Variants in FBXL13 observed in about 807,000 individuals in gnomAD.
FBXL13 encodes the protein F-box and leucine rich repeat protein 13.
Under a neutral mutation model 83.6 loss-of-function variants are expected in FBXL13, and 67 were observed. The observed-to-expected ratio is 0.80, with a 90% confidence interval of 0.66 to 0.98. The LOEUF (loss-of-function observed/expected upper bound fraction) is 0.98, where lower values mean the gene tolerates loss of function less well. FBXL13 is among the 50% of genes least tolerant of loss of function. The probability of loss-of-function intolerance (pLI) is 0.00; values close to 1 mark genes in which losing one functional copy is unlikely to be tolerated. For missense variants in FBXL13, 822 were observed against 866.5 expected, an observed-to-expected ratio of 0.95 and a Z score of 0.64; for synonymous variants, 272 against 299.5, an observed-to-expected ratio of 0.91 and a Z score of 0.95.
At chr7:102,977,109 G>A (rs1359911033) in intron 6 of FBXL13, among the ~76,000 whole-genome samples, 6 of 152,148 alleles carry the variant, frequency 3.9e-5, no homozygotes, top group African/African-American at 7.2e-5. Flanking sequence ...AGCCAAAGAC[G>A]GCAAGAGGAC....
At chr7:103,019,786 C>T (rs1054203964) in intron 6 of FBXL13, among the ~76,000 whole-genome samples, 2 of 152,158 alleles carry the variant, frequency 1.3e-5, no homozygotes, top group Admixed American at 6.5e-5. Flanking sequence ...GATGTTGAAT[C>T]CCTGAATAGA....
chr7:102,916,263 A>G (rs1815851850), intron 10 of FBXL13, among the ~76,000 whole-genome samples: 1 of 152,188 alleles, frequency 6.6e-6, no homozygotes, highest in African/African-American at 2.4e-5. Flanking sequence ...CTGGGATTAT[A>G]GGCATTAACC....
At chr7:102,910,245 T>C (rs1381123942) in intron 11 of FBXL13, among the ~76,000 whole-genome samples, 2 of 152,074 alleles carry the variant, frequency 1.3e-5, no homozygotes, top group African/African-American at 2.4e-5. Flanking sequence ...CTCTGCACCA[T>C]GTTGGAGGGG....
intron 8 of FBXL13, among the ~76,000 whole-genome samples, chr7:102,956,294 C>A (rs1824259954): frequency 6.6e-6 from 1 of 152,134 alleles, no homozygotes; most frequent in Admixed American, 6.5e-5. Context: ...ACACAATTAT[C>A]TCAACAGATA....
At chr7:103,044,280 G>A (rs907923040) in intron 2 of FBXL13, among the ~76,000 whole-genome samples, 2 of 152,190 alleles carry the variant, frequency 1.3e-5, no homozygotes, top group Admixed American at 1.3e-4. Context: ...TCCATTACAA[G>A]AGATGTTAGA....
chr7:103,067,836 G>A (rs987079757), intron 1 of FBXL13, among the ~76,000 whole-genome samples: 10 of 152,172 alleles, frequency 6.6e-5, no homozygotes, highest in Non-Finnish European at 1.2e-4. Flanking sequence ...AAGACATTTA[G>A]GTAATAGACA....
intron 17 of FBXL13, 51 bp from the exon 19 acceptor site, chr7:102,833,025 C>T: frequency 6.9e-6 from 11 of 1,598,122 alleles, no homozygotes; most frequent in Non-Finnish European, 9.4e-6. Flanking sequence ...TCATCTAGAA[C>T]TGTCTTACTT....
At chr7:102,866,357 C>T (rs974869839) in intron 16 of FBXL13, among the ~76,000 whole-genome samples, 5 of 152,114 alleles carry the variant, frequency 3.3e-5, no homozygotes, top group African/African-American at 1.2e-4. Context: ...GAAGGAACCA[C>T]TATCACTAGC....
At chr7:103,016,846 G>C (rs931983517) in intron 6 of FBXL13, among the ~76,000 whole-genome samples, 2 of 152,180 alleles carry the variant, frequency 1.3e-5, no homozygotes, top group African/African-American at 4.8e-5. Context: ...ACTGGGTAGA[G>C]CCCACCACAG....
At chr7:102,913,187 A>C (rs757122324) in exon 11 of FBXL13, 15 of 1,614,194 alleles carry the variant, frequency 9.3e-6, no homozygotes, top group Non-Finnish European at 1.3e-5. Flanking sequence ...CAATAAGCCA[A>C]ACTAAGATTC....
At position 103,030,301 on chromosome 7, in the gene FBXL13, G is replaced by A. The variant is rs1221982892; in HGVS notation, c.1-883C>T. On this transcript the variant is annotated intron_variant, in intron 2 of 19. Transcript: ENST00000313221. ...GATTTATTTTAGGCATACAAGAAAG[G>A]CCCATAGGACCCCCGACATGTGAAA... Among the ~76,000 whole-genome samples, 2 of 152,118 alleles carry A rather than the reference G, an allele frequency of 1.3e-5. 1 individual carries two copies. The highest frequency in any genetic ancestry group is 1.3e-4 in the Admixed American group (2 of 15,258).
At chr7:102,975,475 C>G (rs1205874138) in intron 6 of FBXL13, among the ~76,000 whole-genome samples, 3 of 152,174 alleles carry the variant, frequency 2.0e-5, no homozygotes, top group Admixed American at 6.5e-5. Flanking sequence ...CAACCAGGAC[C>G]CCCACTGGGA....
At chr7:103,024,135 A>AGAGAGAGAGAG (rs1793552982) in intron 6 of FBXL13, among the ~76,000 whole-genome samples, 1 of 96,586 alleles carries the variant, frequency 1.0e-5, no homozygotes, top group Non-Finnish European at 2.2e-5. Flanking sequence ...AAAAGTTAAA[A>AGAGAGAGAGAG]AGAGAGAGAG....
chr7:102,873,604 A>AT (rs746280595), intron 16 of FBXL13, among the ~76,000 whole-genome samples: 5 of 152,232 alleles, frequency 3.3e-5, no homozygotes, highest in Admixed American at 6.5e-5. Context: ...TTTTCGGAAT[A>AT]TAAATCTGAC....
chr7:103,011,173 A>G (rs1791574599), intron 6 of FBXL13, among the ~76,000 whole-genome samples: 1 of 152,226 alleles, frequency 6.6e-6, no homozygotes, highest in Non-Finnish European at 1.5e-5. Context: ...CTAGTTCCCT[A>G]GCAATGATTC....
chr7:102,900,450 A>C (rs1234497045), intron 11 of FBXL13, among the ~76,000 whole-genome samples: 1 of 152,220 alleles, frequency 6.6e-6, no homozygotes, highest in Middle Eastern at 3.2e-3. Flanking sequence ...TTCCTAATAC[A>C]ACATTCCAAA....
intron 10 of FBXL13, among the ~76,000 whole-genome samples, chr7:102,914,799 C>T (rs991758096): frequency 6.6e-6 from 1 of 152,172 alleles, no homozygotes; most frequent in Non-Finnish European, 1.5e-5. Flanking sequence ...AGACACGCCC[C>T]CTCTCTTGGG....
At chr7:102,819,903 T>G (rs1798566309) in intron 19 of FBXL13, among the ~76,000 whole-genome samples, 2 of 152,194 alleles carry the variant, frequency 1.3e-5, no homozygotes, top group Admixed American at 1.3e-4. Flanking sequence ...AGCTGCTCCA[T>G]AGAGCACCCG....
At chr7:102,996,001 GGGTTT>G (rs1298010149) in intron 6 of FBXL13, among the ~76,000 whole-genome samples, 1 of 152,116 alleles carries the variant, frequency 6.6e-6, no homozygotes. Flanking sequence ...TATTAGTTTA[GGGTTT>G]GGTGGGAAAA....
Sources: gnomAD v4.1 joint callset for allele counts (sites outside exome capture counted in the v4.1 genomes callset) on GRCh38, gnomAD v4.1.1 for gene constraint, MANE v1.5 for transcripts, NCBI Gene and HGNC (gene_info 2026-07-23, HGNC 2026-07-21) for gene names.